The following HPF1 variants were observed in gnomAD, a reference collection of about 807,000 sequenced individuals.
HPF1 encodes the protein UPF0609 protein C4orf27.
In HPF1, 35 loss-of-function variants were observed where a neutral mutation model predicts 38.8. The ratio of observed to expected loss-of-function variants is 0.90; its 90% CI spans 0.69 to 1.19. The LOEUF (loss-of-function observed/expected upper bound fraction) is 1.19, where lower values mean the gene tolerates loss of function less well. Among genes scored for constraint, HPF1 ranks in the 50% most tolerant of loss-of-function variants. The pLI is 0.00. For synonymous variants in HPF1, 115 were observed against 139.2 expected, an observed-to-expected ratio of 0.83 and a Z score of 1.22; for missense variants, 367 against 405.8, an observed-to-expected ratio of 0.90 and a Z score of 0.82.
chr4:169,742,166 CTT>C (rs1294536650), intron 4 of HPF1, 59 bp from the exon 5 acceptor site: 3 of 1,485,804 alleles, frequency 2.0e-6, no homozygotes, highest in Non-Finnish European at 2.7e-6. Flanking sequence ...GTACAAAGAC[CTT>C]TCAAAGTTGA....
At chr4:169,733,601 C>T (rs1733857223) in intron 6 of HPF1, among the ~76,000 whole-genome samples, 1 of 152,082 alleles carries the variant, frequency 6.6e-6, no homozygotes, top group Non-Finnish European at 1.5e-5. Flanking sequence ...ATGATATTAC[C>T]AGGGACGGGC....
At chr4:169,749,427 T>C (rs1734090191) in intron 3 of HPF1, among the ~76,000 whole-genome samples, 1 of 152,146 alleles carries the variant, frequency 6.6e-6, no homozygotes, top group Admixed American at 6.5e-5. Context: ...ACAAATAGGA[T>C]GATTACATTG....
chr4:169,755,040 T>C (rs915555938), intron 1 of HPF1, among the ~76,000 whole-genome samples: 4 of 149,408 alleles, frequency 2.7e-5, no homozygotes, highest in African/African-American at 7.5e-5. Flanking sequence ...TTATTAGGTA[T>C]ATCTCCTAAT....
At chr4:169,733,575 A>T (rs938297851) in intron 6 of HPF1, among the ~76,000 whole-genome samples, 2 of 152,224 alleles carry the variant, frequency 1.3e-5, no homozygotes, top group African/African-American at 4.8e-5. Flanking sequence ...GATGAGACTA[A>T]CGAAAAATAT....
intron 6 of HPF1, among the ~76,000 whole-genome samples, chr4:169,733,939 A>G (rs1332572737): frequency 6.6e-6 from 1 of 151,980 alleles, no homozygotes; most frequent in Non-Finnish European, 1.5e-5. Flanking sequence ...TTAAAAATAT[A>G]CTATATACTA....
chr4:169,748,015 G>A (rs1163656823), intron 4 of HPF1, among the ~76,000 whole-genome samples: 3 of 152,158 alleles, frequency 2.0e-5, no homozygotes, highest in Non-Finnish European at 4.4e-5. Context: ...CCCTGATGGT[G>A]GCAGAGACAA....
intron 4 of HPF1, among the ~76,000 whole-genome samples, chr4:169,742,679 C>G (rs1016278458): frequency 6.6e-6 from 1 of 152,170 alleles, no homozygotes; most frequent in African/African-American, 2.4e-5. Flanking sequence ...GTAGTCCCAG[C>G]TACTTGGGAG....
chr4:169,745,552 T>TC (rs1734036817), intron 4 of HPF1, among the ~76,000 whole-genome samples: 1 of 152,216 alleles, frequency 6.6e-6, no homozygotes, highest in Non-Finnish European at 1.5e-5. Flanking sequence ...GGCTTTTTTT[T>TC]CCCTTGAGAC....
chr4:169,735,947 A>AC lies in HPF1; in HGVS notation c.736+1712_736+1713insG, dbSNP rs200264941. The stretch of plus-strand genomic sequence containing the variant: ...GAGAAGGAGCTAAAAAAAAAAAAAA[A>AC]AACCAACAACAAAAAACAGGTGAAA... On this transcript the variant is annotated intron_variant, in intron 6 of 7. Coordinates refer to ENST00000393381, the MANE Select transcript of HPF1 (RefSeq NM_017867.3). Among the ~76,000 whole-genome samples, 709 of 151,900 alleles carry AC rather than the reference A, an allele frequency of 4.7e-3. 9 individuals are homozygous for AC. Among genetic ancestry groups the AC allele is most frequent in the African/African-American group, 0.016 (643 of 41,402 alleles).
At position 169,737,699 on chromosome 4, in the gene HPF1, T is replaced by C. The variant is rs199961364; in HGVS notation, c.697A>G (p.Lys233Glu). 6.2e-7 allele frequency: 1 copy of C among 1,612,952 alleles called. No individual in the cohort carries two copies. The highest frequency in any genetic ancestry group is 8.5e-7 in the Non-Finnish European group (1 of 1,179,066). Reference protein sequence around the residue: ...HGAGLVVPVDKNDVGYRELPE... With the variant: ...HGAGLVVPVDENDVGYRELPE... ...AGCTCTCGGTACCCAACATCATTTT[T>C]ATCTACTGGAACAACCAAGCCTGCA... The change falls in exon 6 of 8, where the codon AAA (lysine) becomes GAA (glutamate). Residue 233 changes from lysine to glutamate, a missense_variant. Physicochemically the swap from Lys to Glu is moderately conservative, Grantham distance 56. Transcript: ENST00000393381.
intron 7 of HPF1, 38 bp downstream of exon 7, chr4:169,731,666 G>C (rs1338386097): frequency 3.4e-6 from 5 of 1,460,940 alleles, no homozygotes; most frequent in Non-Finnish European, 4.5e-6. Flanking sequence ...GGAGGGAGGT[G>C]TGGCAGTGGG....
Position 169,731,618 on chromosome 4 carries a change from G to A in HPF1, c.909+86C>T, listed in dbSNP as rs115526617. On this transcript the variant is annotated intron_variant, in intron 7 of 7. Transcript: ENST00000393381. ...TCTGCTGGAATTTGGGGGTATAAAT[G>A]TGCACGTATTCATGTGTGGATGTAT... The A allele has an allele frequency of 1.2e-3, 1,213 of 1,005,242 alleles. 11 individuals are homozygous for A. In the African/African-American group the frequency reaches 0.017, roughly 14 times the overall value. 62.3% of individuals were successfully genotyped at this position (1,005,242 alleles called of 1,614,324 possible). A position where few individuals can be genotyped will look rare whatever the true frequency, so the allele number is the denominator to read the frequency against.
intron 6 of HPF1, among the ~76,000 whole-genome samples, chr4:169,736,495 T>A (rs940333969): frequency 6.6e-6 from 1 of 151,950 alleles, no homozygotes; most frequent in Non-Finnish European, 1.5e-5. Flanking sequence ...CTCCTCTAAG[T>A]GGCAGGGGTA....
chr4:169,749,720 C>A (rs200290297), intron 3 of HPF1, among the ~76,000 whole-genome samples: 6,068 of 125,718 alleles, frequency 0.048, no homozygotes, highest in Non-Finnish European at 0.059. Context: ...TACTCAAATA[C>A]AAAAAAAAAA....
chr4:169,732,124 A>T, intron 6 of HPF1: 2 of 309,754 alleles, frequency 6.5e-6, no homozygotes, highest in Non-Finnish European at 1.2e-5. Flanking sequence ...CACAGGATTT[A>T]GTTACAGTCA....
At chr4:169,757,808 C>A (rs1305260969) in intron 1 of HPF1, 22 bp downstream of exon 1, 7 of 1,556,484 alleles carry the variant, frequency 4.5e-6, no homozygotes, top group Non-Finnish European at 6.0e-6. Flanking sequence ...CCGCGTAGCC[C>A]GCACAGCCTT....
intron 4 of HPF1, among the ~76,000 whole-genome samples, chr4:169,748,274 G>A (rs1734073593): frequency 6.6e-6 from 1 of 151,892 alleles, no homozygotes; most frequent in Admixed American, 6.6e-5. Context: ...GTATTTTTTT[G>A]GTGAAGAGGC....
chr4:169,745,107 T>G (rs941151891), intron 4 of HPF1, among the ~76,000 whole-genome samples: 1 of 152,108 alleles, frequency 6.6e-6, no homozygotes, highest in African/African-American at 2.4e-5. Flanking sequence ...GGTGGGGTGG[T>G]GTGTGTGCAT....
chr4:169,746,845 G>T, intron 4 of HPF1, among the ~76,000 whole-genome samples: 1 of 148,808 alleles, frequency 6.7e-6, no homozygotes, highest in Non-Finnish European at 1.5e-5. Flanking sequence ...ATACTCACTT[G>T]CTGATCTTCA....
Sources: gnomAD v4.1 joint callset for allele counts (sites outside exome capture counted in the v4.1 genomes callset) on GRCh38, gnomAD v4.1.1 for gene constraint, MANE v1.5 for transcripts, NCBI Gene and HGNC (gene_info 2026-07-23, HGNC 2026-07-21) for gene names.